Variants in CLEC16A observed in about 807,000 individuals in gnomAD.
CLEC16A encodes the protein protein CLEC16A.
CLEC16A carries 51 observed loss-of-function variants against 109.5 expected under a neutral mutation model. The ratio of observed to expected loss-of-function variants is 0.47; its 90% CI spans 0.37 to 0.59. The LOEUF (loss-of-function observed/expected upper bound fraction) is 0.59. CLEC16A is among the 20% of genes least tolerant of loss of function. CLEC16A has a pLI of 0.00. For missense variants in CLEC16A, 1,339 were observed against 1,394.0 expected, an observed-to-expected ratio of 0.96 and a Z score of 0.63; for synonymous variants, 673 against 564.2, an observed-to-expected ratio of 1.19 and a Z score of -2.73.
intron 10 of CLEC16A, among the ~76,000 whole-genome samples, chr16:11,001,347 A>G (rs531447821): frequency 6.6e-6 from 1 of 152,252 alleles, no homozygotes; most frequent in African/African-American, 2.4e-5. Context: ...TGGTCTCCCA[A>G]ATTGCTGGGA....
At chr16:10,952,093 A>C (rs1453728006) in intron 1 of CLEC16A, among the ~76,000 whole-genome samples, 1 of 152,262 alleles carries the variant, frequency 6.6e-6, no homozygotes, top group Non-Finnish European at 1.5e-5. Context: ...AATAGATTGC[A>C]ACTCCAGCAG....
At position 11,051,612 on chromosome 16, in the gene CLEC16A, C is replaced by T; in HGVS notation, c.1966C>T (p.Pro656Ser). 1 of 1,614,040 alleles carries T rather than the reference C, an allele frequency of 6.2e-7. No individual in the cohort carries two copies. The highest frequency in any genetic ancestry group is 8.5e-7 in the Non-Finnish European group (1 of 1,179,890). Residue 656 changes from proline to serine, a missense_variant, in exon 18 of 24, where the codon CCG becomes TCG. Pro to Ser is a moderately conservative substitution (Grantham distance 74, BLOSUM62 -1). Transcript: ENST00000409790. ...GGGCATTGACTTCGTGAAGCGGCTG[C>T]CGTGTGGCGATGTGGAGAAGACCCG... ...LTGIDFVKRL[P>S]CGDVEKTRRA...
intron 19 of CLEC16A, among the ~76,000 whole-genome samples, chr16:11,107,278 C>A (rs902089542): frequency 2.0e-5 from 3 of 151,834 alleles, no homozygotes; most frequent in Non-Finnish European, 2.9e-5. Context: ...TTAGAGGGTG[C>A]GGCTTATAGG....
At chr16:10,948,266 T>G (rs1235469845) in intron 1 of CLEC16A, among the ~76,000 whole-genome samples, 1 of 152,198 alleles carries the variant, frequency 6.6e-6, no homozygotes, top group African/African-American at 2.4e-5. Flanking sequence ...CTGGAAACTG[T>G]TTTTAGCTTC....
At chr16:11,023,900 A>C (rs2046266122) in intron 12 of CLEC16A, among the ~76,000 whole-genome samples, 1 of 152,260 alleles carries the variant, frequency 6.6e-6, no homozygotes, top group South Asian at 2.1e-4. Flanking sequence ...CCTGTGGGCC[A>C]GACCTGTGCA....
chr16:11,159,041 A>G (rs987844393), intron 22 of CLEC16A, among the ~76,000 whole-genome samples: 1 of 152,208 alleles, frequency 6.6e-6, no homozygotes, highest in East Asian at 1.9e-4. Flanking sequence ...AAGGAGTATG[A>G]ATGAAGCTGT....
At position 11,182,125 on chromosome 16, in the gene CLEC16A, A is replaced by C. The variant is rs1029904647; in HGVS notation, c.*3435A>C. The C allele has an allele frequency of 1.3e-5, 2 of 152,274 alleles. No individual in the cohort carries two copies. Among genetic ancestry groups the C allele is most frequent in the African/African-American group, 4.8e-5 (2 of 41,446 alleles). 9.4% of individuals were successfully genotyped at this position (152,274 alleles called of 1,614,324 possible). On this transcript the variant is annotated 3_prime_UTR_variant, in exon 24 of 24. Transcript: ENST00000409790. ...GTGGGTACTGAACACGAGGGTGGAA[A>C]TGAAAACTGGAACTTCCTTGTAAAT...
At chr16:10,970,021 C>G (rs564707867) in intron 4 of CLEC16A, among the ~76,000 whole-genome samples, 7 of 152,272 alleles carry the variant, frequency 4.6e-5, no homozygotes, top group African/African-American at 1.7e-4. Context: ...AAATGAACAA[C>G]TTAAATAAAT....
chr16:11,107,246 A>ATTT (rs34729335), intron 19 of CLEC16A, among the ~76,000 whole-genome samples: 171 of 149,536 alleles, frequency 1.1e-3, no homozygotes, highest in African/African-American at 4.1e-3. Context: ...CCACCAGTAC[A>ATTT]TTTTTTTTTT....
rs778234518 is a variant in CLEC16A at position 11,003,138 on chromosome 16, A to G, written c.1136A>G (p.Asn379Ser). The G allele has an allele frequency of 1.2e-6, 2 of 1,613,666 alleles. No individual in the cohort carries two copies. Among genetic ancestry groups the G allele is most frequent in the South Asian group, 1.1e-5 (1 of 91,054 alleles). Reference sequence around the variant, plus strand: ...ACACTCGAGCGGTCCCTTGAGATGAACAAGCACAAGGGCAAGAGGCGGGTG... The same window carrying G: ...ACACTCGAGCGGTCCCTTGAGATGAGCAAGCACAAGGGCAAGAGGCGGGTG... ...TETLERSLEM[N>S]KHKGKRRVQK... Residue 379 changes from asparagine (N) to serine (S), a missense_variant, in exon 11 of 24, where the codon AAC becomes AGC. Asn to Ser is a conservative substitution (Grantham distance 46). Transcript: ENST00000409790.
At position 11,117,932 on chromosome 16, in the gene CLEC16A, A is replaced by C. The variant is rs576720544; in HGVS notation, c.2117-2683A>C. The stretch of plus-strand genomic sequence containing the variant: ...CTGGTGATTTCCAAGTCAAGGGTAG[A>C]CATTAAATTAGACATTGAATTTGGG... On this transcript the variant is annotated intron_variant, in intron 19 of 23. Transcript: ENST00000409790. Among the ~76,000 whole-genome samples, 7 of 152,264 alleles carry C rather than the reference A, an allele frequency of 4.6e-5. No homozygotes were observed. The South Asian group carries it at 1.5e-3, about 32-fold the overall frequency.
chr16:10,996,974 G>T (rs2044365981), intron 10 of CLEC16A, among the ~76,000 whole-genome samples: 2 of 152,138 alleles, frequency 1.3e-5, no homozygotes, highest in South Asian at 2.1e-4. Context: ...TTGTTTGTTT[G>T]TTTTTGAGAC....
At chr16:11,012,737 A>G (rs2045511458) in intron 11 of CLEC16A, among the ~76,000 whole-genome samples, 1 of 152,200 alleles carries the variant, frequency 6.6e-6, no homozygotes, top group South Asian at 2.1e-4. Flanking sequence ...TTGCAAAGTG[A>G]AAAATCATAA....
chr16:10,949,294 C>A (rs1164277954), intron 1 of CLEC16A, among the ~76,000 whole-genome samples: 1 of 152,072 alleles, frequency 6.6e-6, no homozygotes, highest in Non-Finnish European at 1.5e-5. Context: ...TATTATGGGT[C>A]CTAGGCTCCC....
intron 19 of CLEC16A, among the ~76,000 whole-genome samples, chr16:11,067,725 C>A (rs2048849685): frequency 6.6e-6 from 1 of 152,144 alleles, no homozygotes; most frequent in African/African-American, 2.4e-5. Flanking sequence ...CAGCAGGGAG[C>A]CCCATGGGGA....
intron 19 of CLEC16A, among the ~76,000 whole-genome samples, chr16:11,111,148 G>A (rs879627183): frequency 1.3e-5 from 2 of 152,060 alleles, no homozygotes; most frequent in African/African-American, 4.8e-5. Context: ...CCTGGATGTA[G>A]CACTAAATTA....
intron 1 of CLEC16A, among the ~76,000 whole-genome samples, chr16:10,950,024 C>T (rs566482169): frequency 1.3e-5 from 2 of 152,186 alleles, no homozygotes; most frequent in Non-Finnish European, 2.9e-5. Context: ...TCTTCTCTAA[C>T]TTCTTCTGTG....
In CLEC16A at chr16:11,174,498, C is replaced by A. The variant is rs1479713700; in HGVS notation, c.2807-3837C>A. On this transcript the variant is annotated intron_variant, in intron 23 of 23. Transcript: ENST00000409790. This position sits in a 1 kb window ranked among gnomAD's most constrained non-coding sequence, Gnocchi z 4.7. Reference sequence around the variant, plus strand: ...CCAGATCCCCGGCCCTTGACCTTCGCGACAGTCCTTCACCTTCGCGACAGT... The same window carrying A: ...CCAGATCCCCGGCCCTTGACCTTCGAGACAGTCCTTCACCTTCGCGACAGT... 2.6e-5 allele frequency among the ~76,000 whole-genome samples: 4 copies of A among 152,280 alleles called. No individual in the cohort carries two copies. The highest frequency in any genetic ancestry group is 9.6e-5 in the African/African-American group (4 of 41,562).
chr16:11,119,772 C>G (rs2052264295), intron 19 of CLEC16A, among the ~76,000 whole-genome samples: 1 of 151,954 alleles, frequency 6.6e-6, no homozygotes, highest in Admixed American at 6.6e-5. Context: ...GATTTTTTTT[C>G]TAATACTGTG....
Sources: allele counts gnomAD v4.1 joint callset (sites outside exome capture counted in the v4.1 genomes callset), GRCh38; gene constraint gnomAD v4.1.1; non-coding constraint Gnocchi (gnomAD v3.1); transcripts MANE v1.5; gene names NCBI Gene and HGNC (gene_info 2026-07-23, HGNC 2026-07-21).